Variants in HDX observed in about 807,000 individuals in gnomAD.
HDX encodes highly divergent homeobox.
In HDX, 19 loss-of-function variants were observed where a neutral mutation model predicts 45.2. The observed-to-expected ratio is 0.42, with a 90% confidence interval of 0.29 to 0.62. HDX has a LOEUF of 0.62. Among genes scored for constraint, HDX ranks in the 20% least tolerant of loss-of-function variants. The pLI, the probability that HDX is intolerant of heterozygous loss-of-function variation, is 0.20. For missense variants in HDX, 532 were observed against 493.9 expected (o/e 1.08, Z -0.73); for synonymous variants, 188 against 172.8 (o/e 1.09, Z -0.69).
chrX:84,462,881 A>G (rs1347948484), intron 4 of HDX, among the ~76,000 whole-genome samples: 1 of 111,427 alleles, frequency 9.0e-6, no homozygotes, highest in Non-Finnish European at 1.9e-5. Context: ...TATGACATGA[A>G]TGAAACTTAA....
chrX:84,464,893 A>G (rs1196414818), intron 4 of HDX, among the ~76,000 whole-genome samples: 1 of 111,942 alleles, frequency 8.9e-6, no homozygotes, highest in Non-Finnish European at 1.9e-5. Context: ...CAGGCAACCT[A>G]CAGAATGGGA....
At chrX:84,340,870 C>A (rs986194333) in intron 7 of HDX, among the ~76,000 whole-genome samples, 4 of 111,160 alleles carry the variant, frequency 3.6e-5, no homozygotes, top group Non-Finnish European at 1.9e-5. Flanking sequence ...GCATTAAATT[C>A]TCTTTCTTCT....
At chrX:84,401,281 A>G (rs904457116) in intron 5 of HDX, among the ~76,000 whole-genome samples, 3 of 112,236 alleles carry the variant, frequency 2.7e-5, no homozygotes, top group Non-Finnish European at 5.6e-5. Flanking sequence ...ACAGAATGGG[A>G]GAACTTTTTT....
intron 5 of HDX, among the ~76,000 whole-genome samples, chrX:84,425,278 A>G (rs764586863): frequency 3.6e-5 from 4 of 112,066 alleles, no homozygotes; most frequent in African/African-American, 6.5e-5. Flanking sequence ...TCATCTCACC[A>G]CAGTTAAAAT....
At chrX:84,345,965 A>G (rs759205439) in intron 6 of HDX, among the ~76,000 whole-genome samples, 1 of 110,666 alleles carries the variant, frequency 9.0e-6, no homozygotes, top group Admixed American at 9.7e-5. Flanking sequence ...TTCTTGTTTC[A>G]TTTTCATGTT....
intron 5 of HDX, among the ~76,000 whole-genome samples, chrX:84,365,795 C>T (rs895394631): frequency 1.8e-5 from 2 of 111,070 alleles, no homozygotes; most frequent in Non-Finnish European, 3.8e-5. Context: ...AGAGTACGTG[C>T]GTTTAAATTA....
intron 5 of HDX, among the ~76,000 whole-genome samples, chrX:84,425,606 A>T (rs1255154773): frequency 8.9e-6 from 1 of 112,082 alleles, no homozygotes; most frequent in African/African-American, 3.2e-5. Context: ...TAAATATACA[A>T]AATGAAATAC....
At chrX:84,456,122 C>T (rs1457687830) in intron 4 of HDX, among the ~76,000 whole-genome samples, 2 of 111,831 alleles carry the variant, frequency 1.8e-5, no homozygotes, top group African/African-American at 3.2e-5. Flanking sequence ...AATAAGAAAT[C>T]ATCTGATGGT....
At chrX:84,330,979 C>T (rs963703811) in intron 9 of HDX, among the ~76,000 whole-genome samples, 2 of 111,342 alleles carry the variant, frequency 1.8e-5, no homozygotes, top group African/African-American at 6.5e-5. Context: ...CAAGATCTAT[C>T]TTATTTTTAT....
chrX:84,352,246 TG>T (rs1415230123), intron 6 of HDX, among the ~76,000 whole-genome samples: 1 of 112,012 alleles, frequency 8.9e-6, no homozygotes. Flanking sequence ...TTATATTTGA[TG>T]GGGGGAATTT....
intron 5 of HDX, among the ~76,000 whole-genome samples, chrX:84,427,601 T>C (rs2039412962): frequency 9.0e-6 from 1 of 111,400 alleles, no homozygotes; most frequent in African/African-American, 3.2e-5. Flanking sequence ...CATGATTATG[T>C]TGAGATTCAT....
Position 84,468,903 on chromosome X carries a change from G to T in HDX, c.820C>A (p.Pro274Thr). Residue 274 changes from proline (P) to threonine (T), a missense_variant, in exon 4 of 11, where the codon CCC (proline) becomes ACC (threonine). Pro to Thr is a conservative substitution (Grantham distance 38, BLOSUM62 -1). This residue lies in a region of HDX where 376 missense variants were observed against 343.7 expected (regional missense o/e 1.09). Coordinates refer to ENST00000373177, the MANE Select transcript of HDX (RefSeq NM_001177479.2). ...GCATTTCCTCCCAGAATTCTCTGGGGGTAATCGCTAACTGCCAATGAAAAC... is the reference window on the plus strand; with the variant it reads ...GCATTTCCTCCCAGAATTCTCTGGGTGTAATCGCTAACTGCCAATGAAAAC... ...EVFSLAVSDY[P>T]QRILGGNAPQ... The T allele has an allele frequency of 1.7e-6, 2 of 1,210,012 alleles. No homozygotes were observed. The highest frequency in any genetic ancestry group is 2.2e-6 in the Non-Finnish European group (2 of 894,056).
At chrX:84,326,829 T>C (rs1014025396) in intron 9 of HDX, among the ~76,000 whole-genome samples, 1 of 109,507 alleles carries the variant, frequency 9.1e-6, no homozygotes, top group African/African-American at 3.3e-5. Flanking sequence ...GAAGAATCAC[T>C]TGAACCTTGG....
intron 6 of HDX, among the ~76,000 whole-genome samples, chrX:84,347,253 A>G (rs1179352883): frequency 1.8e-5 from 2 of 110,295 alleles, no homozygotes; most frequent in African/African-American, 3.3e-5. Flanking sequence ...CTGTCACAGT[A>G]ATGTGATCAT....
intron 5 of HDX, among the ~76,000 whole-genome samples, chrX:84,390,774 A>T (rs148678672): frequency 0.02 from 2,244 of 112,655 alleles, 54 homozygotes; most frequent in African/African-American, 0.069. Context: ...TTACTTACAC[A>T]TTCTGTGGTA....
chrX:84,418,771 G>A (rs1453752107), intron 5 of HDX, among the ~76,000 whole-genome samples: 1 of 111,110 alleles, frequency 9.0e-6, no homozygotes, highest in Non-Finnish European at 1.9e-5. Context: ...GTGTGGGGGG[G>A]AAGGCACATG....
intron 4 of HDX, among the ~76,000 whole-genome samples, chrX:84,444,335 C>G: frequency 9.0e-6 from 1 of 110,947 alleles, no homozygotes; most frequent in East Asian, 2.9e-4. Flanking sequence ...ATGGTATGAT[C>G]AGAAATGTAT....
At chrX:84,423,269 AAAC>A (rs972813625) in intron 5 of HDX, among the ~76,000 whole-genome samples, 3 of 110,205 alleles carry the variant, frequency 2.7e-5, no homozygotes, top group Non-Finnish European at 5.7e-5. Context: ...TCCAGTGAAA[AAAC>A]AAACAAACTA....
At position 84,344,418 on chromosome X, in the gene HDX, C is replaced by T. The variant is rs958316509; in HGVS notation, c.1492G>A (p.Gly498Arg). ...CCTCTTGGAGGTGGAACTTCAATCC[C>T]CATTAAACGATATTTCCTTCTTCGA... ...GNRRRKYRLM[G>R]IEVPPPRGGP... Residue 498 changes from glycine to arginine, a missense_variant, in exon 7 of 11, where the codon GGG (glycine) becomes AGG (arginine). By Grantham distance (125) the Gly-to-Arg change is moderately radical (BLOSUM62 -2). This residue lies in a region of HDX where 151 missense variants were observed against 131.8 expected (regional missense o/e 1.15). Coordinates refer to ENST00000373177, the MANE Select transcript of HDX (RefSeq NM_001177479.2). The T allele has an allele frequency of 8.3e-7, 1 of 1,204,976 alleles. No homozygotes were observed. The highest frequency in any genetic ancestry group is 1.1e-6 in the Non-Finnish European group (1 of 890,218).
Sources: allele counts gnomAD v4.1 joint callset (sites outside exome capture counted in the v4.1 genomes callset), GRCh38; gene constraint gnomAD v4.1.1; regional missense constraint gnomAD v4.1.1; transcripts MANE v1.5; gene names NCBI Gene and HGNC (gene_info 2026-07-23, HGNC 2026-07-21).